COL15A1: variants seen among roughly 807,000 people sequenced by gnomAD.
COL15A1 encodes collagen type XV alpha 1 chain.
In COL15A1, 111 loss-of-function variants were observed where a neutral mutation model predicts 165.9. The observed-to-expected ratio is 0.67, with a 90% confidence interval of 0.57 to 0.78. The LOEUF (loss-of-function observed/expected upper bound fraction) is 0.78, where lower values mean the gene tolerates loss of function less well. Ranked by LOEUF, COL15A1 falls within the 30% of genes least tolerant of loss-of-function variation. COL15A1 has a pLI of 0.00. For synonymous variants in COL15A1, 659 were observed against 674.8 expected (o/e 0.98, Z 0.36); for missense variants, 1,745 against 1,789.7 (o/e 0.98, Z 0.45).
At chr9:99,061,904 C>T in intron 36 of COL15A1, 67 bp from the exon 37 acceptor site, 1 of 1,547,312 alleles carries the variant, frequency 6.5e-7, no homozygotes, top group Non-Finnish European at 8.7e-7. Context: ...ACAGAGAGGC[C>T]AGGTTATCAG....
chr9:99,048,198 G>A (rs1191711241), intron 28 of COL15A1, among the ~76,000 whole-genome samples, 198 bp downstream of exon 28: 2 of 152,186 alleles, frequency 1.3e-5, no homozygotes, highest in Admixed American at 1.3e-4. Flanking sequence ...AAACACCTTA[G>A]TGGAAAATAG....
Position 99,044,594 on chromosome 9 carries a change from C to T in COL15A1, c.2601C>T (p.Ile867=), listed in dbSNP as rs751692003. The change falls in exon 25 of 42, where the codon ATC becomes ATT. Residue 867 remains isoleucine, a synonymous_variant. Transcript: ENST00000375001. ...EQGEKGEPGA[I]LTEDIPLERL... ...GCGAGAAGGGAGAGCCGGGTGCCAT[C>T]CTGACAGAGGACATTCCTCTGGAAA... 2.6e-5 allele frequency: 42 copies of T among 1,613,958 alleles called. 1 individual carries two copies. In the South Asian group the frequency reaches 3.8e-4, roughly 15 times the overall value.
chr9:98,990,858 G>A (rs193038172), intron 5 of COL15A1, among the ~76,000 whole-genome samples: 106 of 152,294 alleles, frequency 7.0e-4, no homozygotes, highest in South Asian at 2.7e-3. Context: ...ATGAAACCAC[G>A]GACCCTCGCG....
At chr9:98,979,279 AAT>A (rs1838192374) in intron 2 of COL15A1, among the ~76,000 whole-genome samples, 1 of 152,214 alleles carries the variant, frequency 6.6e-6, no homozygotes, top group South Asian at 2.1e-4. Context: ...CATTTTGATA[AAT>A]GTTATTAAAT....
At chr9:99,038,918 G>A (rs530685957) in intron 22 of COL15A1, among the ~76,000 whole-genome samples, 185 bp downstream of exon 22, 2 of 152,236 alleles carry the variant, frequency 1.3e-5, no homozygotes, top group Non-Finnish European at 2.9e-5. Context: ...CATGTGGAAA[G>A]TTGTCTCCAA....
At chr9:99,044,902 T>C (rs1839470513) in intron 26 of COL15A1, 132 bp downstream of exon 26, 3 of 811,316 alleles carry the variant, frequency 3.7e-6, no homozygotes, top group South Asian at 2.9e-5. Flanking sequence ...AATGTGCATA[T>C]ACTAGGGTAA....
At chr9:99,067,108 G>T (rs148138379) in intron 40 of COL15A1, 41 bp downstream of exon 40, 31 of 1,545,966 alleles carry the variant, frequency 2.0e-5, no homozygotes, top group South Asian at 5.9e-5. Context: ...TGCATGCATT[G>T]GTCGCTACAG....
At chr9:99,055,447 A>C in intron 34 of COL15A1, 75 bp downstream of exon 34, 1 of 837,746 alleles carries the variant, frequency 1.2e-6, no homozygotes, top group South Asian at 1.4e-5. Context: ...GGGACTAGGC[A>C]GTTAGGGCTA....
At chr9:99,066,599 GTTTTTT>G (rs67961829) in intron 39 of COL15A1, among the ~76,000 whole-genome samples, 1,825 of 71,024 alleles carry the variant, frequency 0.026, 47 homozygotes, top group Middle Eastern at 0.11. Flanking sequence ...ATTTTGTTCT[GTTTTTT>G]TTTTTTTTTT....
intron 2 of COL15A1, among the ~76,000 whole-genome samples, chr9:98,956,333 A>C (rs1455762732): frequency 6.6e-6 from 1 of 152,110 alleles, no homozygotes; most frequent in East Asian, 1.9e-4. Context: ...AAGAAACAAA[A>C]AACAACAACA....
intron 2 of COL15A1, among the ~76,000 whole-genome samples, chr9:98,953,273 G>T (rs1319384380): frequency 6.6e-6 from 1 of 152,182 alleles, no homozygotes; most frequent in African/African-American, 2.4e-5. Flanking sequence ...AGCCAGGTTT[G>T]CTGACTGATT....
intron 30 of COL15A1, among the ~76,000 whole-genome samples, chr9:99,050,732 G>A (rs1415194031): frequency 2.6e-5 from 4 of 152,376 alleles, no homozygotes; most frequent in Admixed American, 1.3e-4. Context: ...GACGGATGTG[G>A]CCTCTGCTCT....
intron 36 of COL15A1, among the ~76,000 whole-genome samples, chr9:99,061,537 C>T (rs1172112802): frequency 6.6e-6 from 1 of 152,076 alleles, no homozygotes; most frequent in Non-Finnish European, 1.5e-5. Flanking sequence ...TTTCTTATTC[C>T]AAATGAAAAA....
At position 99,054,558 on chromosome 9, in the gene COL15A1, G is replaced by T. The variant is rs748700106; in HGVS notation, c.2951-18G>T. On this transcript the variant is annotated intron_variant, in intron 31 of 41. Transcript: ENST00000375001. Reference sequence around the variant, plus strand: ...GTGATTTTCCATTTTTTTTTAACATGTATGTGTTTGGTGGCAGGTGTTAAA... The same window carrying T: ...GTGATTTTCCATTTTTTTTTAACATTTATGTGTTTGGTGGCAGGTGTTAAA... The T allele has an allele frequency of 1.9e-6, 3 of 1,592,362 alleles. No individual in the cohort carries two copies. The Admixed American group carries it at 5.6e-5, about 30-fold the overall frequency.
At position 99,015,445 on chromosome 9, in the gene COL15A1, C is replaced by G. The variant is rs374363919; in HGVS notation, c.1382C>G (p.Thr461Arg). Reference sequence around the variant, plus strand: ...CCAAGCAGTGAAGACAGTTTAACAACAGCTGCAGCTGCAACCGAAGTGTCC... The same window carrying G: ...CCAAGCAGTGAAGACAGTTTAACAAGAGCTGCAGCTGCAACCGAAGTGTCC... Reference protein sequence around the residue: ...VGPSSEDSLTTAAAATEVSLS... With the variant: ...VGPSSEDSLTRAAAATEVSLS... The change falls in exon 10 of 42, where the codon ACA becomes AGA. Residue 461 changes from threonine to arginine, a missense_variant. By Grantham distance (71) the Thr-to-Arg change is moderately conservative. Transcript: ENST00000375001. 6.2e-6 allele frequency: 10 copies of G among 1,607,786 alleles called. No individual in the cohort carries two copies. In the African/African-American group the frequency reaches 1.3e-4, roughly 21 times the overall value.
chr9:99,029,313 G>A (rs1382610688), intron 16 of COL15A1, among the ~76,000 whole-genome samples: 1 of 152,230 alleles, frequency 6.6e-6, no homozygotes, highest in Non-Finnish European at 1.5e-5. Flanking sequence ...TTGCCTTTGA[G>A]TAATTTCACT....
intron 2 of COL15A1, among the ~76,000 whole-genome samples, chr9:98,973,630 C>T (rs1194645438): frequency 2.0e-5 from 3 of 152,186 alleles, no homozygotes; most frequent in Non-Finnish European, 4.4e-5. Context: ...AGACTCCAGC[C>T]TGGGTGGGGC....
chr9:99,009,012 A>C (rs1350083210), intron 9 of COL15A1, among the ~76,000 whole-genome samples: 2 of 152,244 alleles, frequency 1.3e-5, no homozygotes, highest in Non-Finnish European at 2.9e-5. Context: ...AAAGTTATAA[A>C]AGGATTTTCA....
chr9:98,952,658 A>G (rs1023805532), intron 2 of COL15A1, among the ~76,000 whole-genome samples: 13 of 152,248 alleles, frequency 8.5e-5, no homozygotes, highest in African/African-American at 3.1e-4. Flanking sequence ...AAGTGCTGGG[A>G]TTACAGGCAT....
Sources: allele counts gnomAD v4.1 joint callset (sites outside exome capture counted in the v4.1 genomes callset), GRCh38; gene constraint gnomAD v4.1.1; transcripts MANE v1.5; gene names NCBI Gene and HGNC (gene_info 2026-07-23, HGNC 2026-07-21).